Variants in ELK4 observed in about 807,000 individuals in gnomAD.
ELK4 encodes the protein ETS transcription factor ELK4.
In ELK4, 16 loss-of-function variants were observed where a neutral mutation model predicts 29.6. That is an observed-to-expected ratio of 0.54 (90% CI 0.37 to 0.82). ELK4 has a LOEUF of 0.82. Among genes scored for constraint, ELK4 ranks in the 40% least tolerant of loss-of-function variants. The probability of loss-of-function intolerance (pLI) is 0.00; values close to 1 mark genes in which losing one functional copy is unlikely to be tolerated. For missense variants in ELK4, 465 were observed against 507.1 expected (o/e 0.92, Z 0.80); for synonymous variants, 213 against 191.1 (o/e 1.11, Z -0.95).
chr1:205,624,198 A>G (rs1192993953), intron 1 of ELK4, among the ~76,000 whole-genome samples: 1 of 152,232 alleles, frequency 6.6e-6, no homozygotes, highest in Non-Finnish European at 1.5e-5. Context: ...AGCAACTTGC[A>G]AGGAGGATAA....
chr1:205,620,295 T>C lies in ELK4; in HGVS notation c.751A>G (p.Thr251Ala), dbSNP rs1383418181. The stretch of plus-strand genomic sequence containing the variant: ...GGTATGGACGAAATGGGTGGTGTGG[T>C]GGCAAAAGCAGTCATTACGTTAGAG... ...SASNVMTAFATTPPISSIPPL... is the reference protein window; with the variant it reads ...SASNVMTAFAATPPISSIPPL... The change falls in exon 3 of 5, where the codon ACC becomes GCC. Residue 251 changes from threonine to alanine, a missense_variant. By Grantham distance (58) the Thr-to-Ala change is moderately conservative. Coordinates refer to ENST00000357992, the MANE Select transcript of ELK4 (RefSeq NM_001973.4). 1.2e-6 allele frequency: 2 copies of C among 1,614,054 alleles called. No homozygotes were observed. Among genetic ancestry groups the C allele is most frequent in the Non-Finnish European group, 1.7e-6 (2 of 1,180,022 alleles).
chr1:205,613,225 T>C lies in ELK4; in HGVS notation c.*3321A>G, dbSNP rs1444592946. ...GTGGTGCATGCCTGTAGCCCAGCTA[T>C]GCAGGAGGCTGAGGCAGGAGGATCA... On this transcript the variant is annotated 3_prime_UTR_variant, in exon 5 of 5. Transcript: ENST00000357992. 5.0e-6 allele frequency: 1 copy of C among 198,082 alleles called. No homozygotes were observed. The highest frequency in any genetic ancestry group is 1.0e-5 in the Non-Finnish European group (1 of 95,702). 12.3% of individuals were successfully genotyped at this position (198,082 alleles called of 1,614,324 possible).
intron 1 of ELK4, among the ~76,000 whole-genome samples, chr1:205,631,370 G>A (rs1402748955): frequency 6.6e-6 from 1 of 150,854 alleles, no homozygotes. Context: ...CATCCACGCC[G>A]AAAAAATCGC....
In ELK4 at chr1:205,613,663, TC is replaced by T. The variant is rs566957196; in HGVS notation, c.*2882del. The T allele has an allele frequency of 1.8e-3, 290 of 165,388 alleles. 2 individuals are homozygous for T. The highest frequency in any genetic ancestry group is 6.8e-3 in the African/African-American group (271 of 39,706). The allele number at this position is 165,388 out of a possible 1,614,324, so 10.2% of individuals were successfully genotyped here. Reference sequence around the variant, plus strand: ...GCAGCAAATGCTACAAATTCAGCGCTCCCCCCCACCCCCACCCCAGAGATCC... The same window carrying T: ...GCAGCAAATGCTACAAATTCAGCGCTCCCCCCACCCCCACCCCAGAGATCC... On this transcript the variant is annotated 3_prime_UTR_variant, in exon 5 of 5. Coordinates refer to ENST00000357992, the MANE Select transcript of ELK4 (RefSeq NM_001973.4).
At chr1:205,631,131 G>T (rs1670575289) in intron 1 of ELK4, among the ~76,000 whole-genome samples, 4 of 152,216 alleles carry the variant, frequency 2.6e-5, no homozygotes, top group Admixed American at 2.6e-4. Flanking sequence ...AAAGTAAAGA[G>T]GGGCGGGGGG....
In ELK4 at chr1:205,629,748, A is replaced by G. The variant is rs1235286396; in HGVS notation, c.-10+1884T>C. Among the ~76,000 whole-genome samples, 7 of 7,020 alleles carry G rather than the reference A, an allele frequency of 1.0e-3. No individual in the cohort carries two copies. The East Asian group carries it at 0.23, about 234-fold the overall frequency. The allele number at this position is 7,020 out of a possible 152,430, so 4.6% of individuals were successfully genotyped here. A position where few individuals can be genotyped will look rare whatever the true frequency, so the allele number is the denominator to read the frequency against. ...TAAATAAATAAAATAAAAGCTAAAG[A>G]AAAAAAATCCCCTAAGACAGTTATT... On this transcript the variant is annotated intron_variant, in intron 1 of 4. Coordinates refer to ENST00000357992, the MANE Select transcript of ELK4 (RefSeq NM_001973.4).
At chr1:205,629,103 G>A (rs966233564) in intron 1 of ELK4, among the ~76,000 whole-genome samples, 6 of 148,760 alleles carry the variant, frequency 4.0e-5, no homozygotes, top group African/African-American at 1.5e-4. Flanking sequence ...CCCGAGAGGC[G>A]GAGCTTGCAG....
intron 1 of ELK4, chr1:205,626,163 C>T: frequency 1.5e-6 from 1 of 648,770 alleles, no homozygotes; most frequent in Non-Finnish European, 3.0e-6. Context: ...ATGCTGCTAC[C>T]CCTGAGCTGG....
chr1:205,617,357 A>AT (rs533837775), intron 4 of ELK4, among the ~76,000 whole-genome samples: 160 of 152,324 alleles, frequency 1.1e-3, no homozygotes, highest in African/African-American at 3.5e-3. Flanking sequence ...AAAATCAGAG[A>AT]TAGTCAACCA....
chr1:205,619,437 C>T, intron 3 of ELK4: 1 of 1,060,916 alleles, frequency 9.4e-7, no homozygotes, highest in African/African-American at 1.7e-5. Flanking sequence ...AATTCAGGTA[C>T]AGAGGAATAA....
At chr1:205,619,423 C>G in intron 3 of ELK4, 2 of 1,059,116 alleles carry the variant, frequency 1.9e-6, no homozygotes, top group Non-Finnish European at 2.3e-6. Context: ...GAAAAACCAA[C>G]CTGAATTCAG....
Position 205,620,832 on chromosome 1 carries a change from T to G in ELK4, c.214A>C (p.Ile72Leu), listed in dbSNP as rs775683837. The G allele has an allele frequency of 1.2e-5, 20 of 1,607,042 alleles. No individual in the cohort carries two copies. In the South Asian group the frequency reaches 2.1e-4, roughly 17 times the overall value. ...ALRYYYVKNI[I>L]KKVNGQKFVY... Reference sequence around the variant, plus strand: ...AACTTCTGACCATTCACTTTTTTGATGATATTCTGTAGGTTAAAAAAAAAA... The same window carrying G: ...AACTTCTGACCATTCACTTTTTTGAGGATATTCTGTAGGTTAAAAAAAAAA... The change falls in exon 3 of 5, where the codon ATC (isoleucine) becomes CTC (leucine). Residue 72 changes from isoleucine (I) to leucine (L), a missense_variant. This residue lies in a region of ELK4 where 385 missense variants were observed against 387.5 expected (regional missense o/e 0.99). Coordinates refer to ENST00000357992, the MANE Select transcript of ELK4 (RefSeq NM_001973.4).
chr1:205,618,853 T>C (rs1445123608), intron 4 of ELK4, 104 bp downstream of exon 4: 3 of 824,138 alleles, frequency 3.6e-6, no homozygotes, highest in Non-Finnish European at 5.7e-6. Context: ...ATTCATTAAA[T>C]AGAAGTTTTA....
At chr1:205,625,063 C>T (rs1026817274) in intron 1 of ELK4, among the ~76,000 whole-genome samples, 3 of 152,116 alleles carry the variant, frequency 2.0e-5, no homozygotes, top group Admixed American at 6.5e-5. Context: ...ACCTTCCTTT[C>T]TCTAGTAATG....
rs1351669263 is a variant in ELK4 at position 205,613,298 on chromosome 1, C to T, written c.*3248G>A. ...CACCCTGGGTAACACACCAAGACTC[C>T]ATCTCTAAAAAATTAAATTAAAGGA... On this transcript the variant is annotated 3_prime_UTR_variant, in exon 5 of 5. Transcript: ENST00000357992. The T allele has an allele frequency of 1.6e-5, 3 of 192,864 alleles. No individual in the cohort carries two copies. The highest frequency in any genetic ancestry group is 3.2e-5 in the Non-Finnish European group (3 of 92,638). 11.9% of individuals were successfully genotyped at this position (192,864 alleles called of 1,614,324 possible). A position where few individuals can be genotyped will look rare whatever the true frequency, so the allele number is the denominator to read the frequency against.
Position 205,620,145 on chromosome 1 carries a change from T to C in ELK4, c.901A>G (p.Lys301Glu). 1.2e-6 allele frequency: 2 copies of C among 1,614,234 alleles called. No individual in the cohort carries two copies. Among genetic ancestry groups the C allele is most frequent in the South Asian group, 1.1e-5 (1 of 91,086 alleles). The change falls in exon 3 of 5, where the codon AAA becomes GAA. Residue 301 changes from lysine (K) to glutamate (E), a missense_variant. Transcript: ENST00000357992. The stretch of plus-strand genomic sequence containing the variant: ...TCTAGCAAGACTGAATCCTGGTCTT[T>C]AGGCTCCAGTGACAAATTCTCTGGA... ...ELPENLSLEPKDQDSVLLEKD... is the reference protein window; with the variant it reads ...ELPENLSLEPEDQDSVLLEKD...
In ELK4 at chr1:205,612,966, C is replaced by T. The variant is rs1015087833; in HGVS notation, c.*3580G>A. 4.9e-6 allele frequency: 1 copy of T among 205,382 alleles called. No individual in the cohort carries two copies. The highest frequency in any genetic ancestry group is 9.9e-6 in the Non-Finnish European group (1 of 100,870). 12.7% of individuals were successfully genotyped at this position (205,382 alleles called of 1,614,324 possible). A position where few individuals can be genotyped will look rare whatever the true frequency, so the allele number is the denominator to read the frequency against. ...TCAAAATGTGGGAAAAAATTAAACT[C>T]ATATTTTAACTCTAAGAAGCTTACG... On this transcript the variant is annotated 3_prime_UTR_variant, in exon 5 of 5. Transcript: ENST00000357992.
chr1:205,619,261 T>C, intron 3 of ELK4, 188 bp from the exon 4 acceptor site: 1 of 1,055,730 alleles, frequency 9.5e-7, no homozygotes, highest in South Asian at 4.7e-5. Context: ...AAGGTGATAA[T>C]AACTACTTAA....
rs375946785 is a variant in ELK4, at chr1:205,613,112, G to C, written c.*3434C>G. 98 of 192,594 alleles carry C rather than the reference G, an allele frequency of 5.1e-4. No individual in the cohort carries two copies. Among genetic ancestry groups the C allele is most frequent in the African/African-American group, 2.3e-3 (96 of 41,858 alleles). The allele number at this position is 192,594 out of a possible 1,614,324, so 11.9% of individuals were successfully genotyped here. A position where few individuals can be genotyped will look rare whatever the true frequency, so the allele number is the denominator to read the frequency against. On this transcript the variant is annotated 3_prime_UTR_variant, in exon 5 of 5. Transcript: ENST00000357992. ...TCAATGGAAATTTCCACCTTTGTTC[G>C]AACACATAAAGTATGCCATGAGCAA...
Sources: allele counts gnomAD v4.1 joint callset (sites outside exome capture counted in the v4.1 genomes callset), GRCh38; gene constraint gnomAD v4.1.1; regional missense constraint gnomAD v4.1.1; transcripts MANE v1.5; gene names NCBI Gene and HGNC (gene_info 2026-07-23, HGNC 2026-07-21).